FHL2: variants seen among roughly 807,000 people sequenced by gnomAD.
The protein encoded by FHL2 is four and a half LIM domains protein 2.
In FHL2, 20 loss-of-function variants were observed where a neutral mutation model predicts 32.7. That is an observed-to-expected ratio of 0.61 (90% CI 0.43 to 0.89). FHL2 has a LOEUF of 0.89. Among genes scored for constraint, FHL2 ranks in the 40% least tolerant of loss-of-function variants. The pLI is 0.00. For missense variants in FHL2, 311 were observed against 358.6 expected, an observed-to-expected ratio of 0.87 and a Z score of 1.07; for synonymous variants, 123 against 128.1, an observed-to-expected ratio of 0.96 and a Z score of 0.27.
chr2:105,370,210 C>CCA (rs1448002018), intron 4 of FHL2, among the ~76,000 whole-genome samples: 2 of 151,642 alleles, frequency 1.3e-5, no homozygotes, highest in African/African-American at 2.4e-5. Context: ...CTGTCTCTAC[C>CCA]CCCCCAAAAA....
In FHL2 at chr2:105,398,857, C is replaced by T; in HGVS notation, c.-91G>A. The stretch of plus-strand genomic sequence containing the variant: ...CTCCTCTCACCAGTCTCCCCAACTC[C>T]GGCTCTGCTCCCCTCTCCTTGGGTC... On this transcript the variant is annotated 5_prime_UTR_variant, in exon 1 of 7. Coordinates refer to ENST00000530340, the MANE Select transcript of FHL2 (RefSeq NM_001318895.3). 2 of 1,459,590 alleles carry T rather than the reference C, an allele frequency of 1.4e-6. No homozygotes were observed. The highest frequency in any genetic ancestry group is 1.8e-6 in the Non-Finnish European group (2 of 1,108,464). 90.4% of individuals were successfully genotyped at this position (1,459,590 alleles called of 1,614,324 possible).
At chr2:105,429,155 A>AG (rs1684348087) in intron 1 of FHL2, among the ~76,000 whole-genome samples, 1 of 152,172 alleles carries the variant, frequency 6.6e-6, no homozygotes, top group South Asian at 2.1e-4. Flanking sequence ...CCACTGCCAC[A>AG]AGGGGGAAAA....
intron 1 of FHL2, among the ~76,000 whole-genome samples, chr2:105,417,485 A>G (rs1450569242): frequency 6.6e-6 from 1 of 152,110 alleles, no homozygotes; most frequent in Non-Finnish European, 1.5e-5. Flanking sequence ...AGAGTTCGCG[A>G]TCAGCCTGGG....
intron 1 of FHL2, among the ~76,000 whole-genome samples, chr2:105,425,819 T>C (rs573123334): frequency 1.3e-5 from 2 of 152,282 alleles, no homozygotes; most frequent in East Asian, 3.9e-4. Context: ...TTCTCCTTAT[T>C]ATCACGCTGC....
intron 2 of FHL2, among the ~76,000 whole-genome samples, chr2:105,388,934 C>A (rs896360737): frequency 6.6e-6 from 1 of 152,134 alleles, no homozygotes; most frequent in African/African-American, 2.4e-5. Flanking sequence ...AAAAGATAGG[C>A]GAGTGAAATG....
intron 1 of FHL2, among the ~76,000 whole-genome samples, chr2:105,409,970 G>T (rs1040206684): frequency 6.6e-6 from 1 of 152,240 alleles, no homozygotes; most frequent in Admixed American, 6.5e-5. Flanking sequence ...CAAGGATCAG[G>T]AATACCAGGA....
At chr2:105,375,130 AGTAT>A (rs941078258) in intron 3 of FHL2, 60 of 123,668 alleles carry the variant, frequency 4.9e-4, no homozygotes, top group African/African-American at 1.7e-3. Flanking sequence ...CTTTTGCTGA[AGTAT>A]GTGTGTGTGT....
intron 1 of FHL2, among the ~76,000 whole-genome samples, chr2:105,434,876 T>A (rs1042708414): frequency 6.6e-6 from 1 of 152,152 alleles, no homozygotes; most frequent in African/African-American, 2.4e-5. Flanking sequence ...CGAAACTAGC[T>A]ATTATTTTTA....
chr2:105,417,215 C>G (rs1683959643), intron 1 of FHL2, among the ~76,000 whole-genome samples: 1 of 151,758 alleles, frequency 6.6e-6, no homozygotes, highest in Non-Finnish European at 1.5e-5. Flanking sequence ...AACCCCATCT[C>G]TACTAAAAAT....
chr2:105,431,517 T>A (rs1370590309), intron 1 of FHL2, among the ~76,000 whole-genome samples: 1 of 152,186 alleles, frequency 6.6e-6, no homozygotes, highest in African/African-American at 2.4e-5. Flanking sequence ...CAGGTGCAAA[T>A]GCCCTGGGGC....
chr2:105,406,746 G>GGAGA (rs369372006), intron 1 of FHL2, among the ~76,000 whole-genome samples: 1 of 152,226 alleles, frequency 6.6e-6, no homozygotes, highest in African/African-American at 2.4e-5. Flanking sequence ...ATCCTGCGCA[G>GGAGA]GAGAGAGTCT....
intron 1 of FHL2, among the ~76,000 whole-genome samples, chr2:105,417,456 G>A (rs534680740): frequency 3.3e-5 from 5 of 152,074 alleles, no homozygotes; most frequent in East Asian, 3.9e-4. Flanking sequence ...AGACTGAGGC[G>A]GGCAGATTGT....
chr2:105,408,648 G>A (rs1032520980), intron 1 of FHL2, among the ~76,000 whole-genome samples: 6 of 152,216 alleles, frequency 3.9e-5, no homozygotes, highest in African/African-American at 1.2e-4. Context: ...AACTAATGGG[G>A]CAGACAGTTA....
At position 105,363,279 on chromosome 2, in the gene FHL2, A is replaced by G; in HGVS notation, c.688+6T>C. 6.2e-7 allele frequency: 1 copy of G among 1,613,658 alleles called. No individual in the cohort carries two copies. The highest frequency in any genetic ancestry group is 8.5e-7 in the Non-Finnish European group (1 of 1,179,660). On this transcript the variant is annotated splice_donor_region_variant and intron_variant, in intron 6 of 6. Transcript: ENST00000530340. Reference sequence around the variant, plus strand: ...CCCCTGGAAATGGGAACCCCGGGACACTCACCGCTGATGGGGTTGGTGCAC... The same window carrying G: ...CCCCTGGAAATGGGAACCCCGGGACGCTCACCGCTGATGGGGTTGGTGCAC...
chr2:105,417,629 A>C (rs1299405703), intron 1 of FHL2, among the ~76,000 whole-genome samples: 2 of 141,172 alleles, frequency 1.4e-5, no homozygotes, highest in Non-Finnish European at 3.0e-5. Context: ...GGTTGCAGTG[A>C]GTCAAGATTG....
At chr2:105,388,579 T>C (rs183891939) in intron 2 of FHL2, among the ~76,000 whole-genome samples, 1 of 151,996 alleles carries the variant, frequency 6.6e-6, no homozygotes, top group East Asian at 1.9e-4. Context: ...TCCCAGCACT[T>C]TGGGAGGCCG....
In FHL2 at chr2:105,361,314, A is replaced by G; in HGVS notation, c.809T>C (p.Ile270Thr). ...GRGFLTERDD[I>T]LCPDCGKDI ...GTCTTTCCCACAGTCGGGGCACAGG[A>G]TGTCGTCCCTCTCTGTGAGGAAGCC... is the stretch of plus-strand genomic sequence containing the variant. Residue 270 changes from isoleucine to threonine, a missense_variant, in exon 7 of 7, where the codon ATC becomes ACC. Transcript: ENST00000530340. 1 of 1,614,130 alleles carries G rather than the reference A, an allele frequency of 6.2e-7. No homozygotes were observed. The highest frequency in any genetic ancestry group is 8.5e-7 in the Non-Finnish European group (1 of 1,179,978).
At chr2:105,436,969 A>C (rs762048971) in intron 1 of FHL2, among the ~76,000 whole-genome samples, 3 of 152,154 alleles carry the variant, frequency 2.0e-5, no homozygotes, top group Non-Finnish European at 4.4e-5. Context: ...GAAAGAGTGC[A>C]GGTCCCTGTG....
chr2:105,413,750 G>C (rs1379213449), intron 1 of FHL2, among the ~76,000 whole-genome samples: 3 of 152,230 alleles, frequency 2.0e-5, no homozygotes, highest in Non-Finnish European at 2.9e-5. Flanking sequence ...AAAGCCCTGA[G>C]ATTACAAGTG....
Sources: allele counts gnomAD v4.1 joint callset (sites outside exome capture counted in the v4.1 genomes callset), GRCh38; gene constraint gnomAD v4.1.1; transcripts MANE v1.5; gene names NCBI Gene and HGNC (gene_info 2026-07-23, HGNC 2026-07-21).